Variants in GRIP1 observed in about 807,000 individuals in gnomAD.
GRIP1 encodes glutamate receptor-interacting protein 1.
GRIP1 carries 45 observed loss-of-function variants against 129.9 expected under a neutral mutation model. The ratio of observed to expected loss-of-function variants is 0.35; its 90% confidence interval spans 0.27 to 0.44. GRIP1 has a LOEUF of 0.44. GRIP1 is among the 20% of genes least tolerant of loss of function. The pLI, the probability that GRIP1 is intolerant of heterozygous loss-of-function variation, is 1.00. For missense variants in GRIP1, 1,196 were observed against 1,396.8 expected (o/e 0.86, Z 2.29); for synonymous variants, 530 against 520.8 (o/e 1.02, Z -0.24).
intron 2 of GRIP1, among the ~76,000 whole-genome samples, chr12:66,578,516 T>C (rs558139213): frequency 2.0e-5 from 3 of 151,986 alleles, no homozygotes; most frequent in African/African-American, 7.2e-5. Flanking sequence ...AAGAAACGGG[T>C]GACAGAGGGC....
At chr12:66,492,478 C>T (rs1191277795) in intron 7 of GRIP1, among the ~76,000 whole-genome samples, 2 of 151,936 alleles carry the variant, frequency 1.3e-5, no homozygotes, top group African/African-American at 2.4e-5. Context: ...GAAGCCTGAC[C>T]AGGGAATCAA....
intron 1 of GRIP1, among the ~76,000 whole-genome samples, chr12:66,684,919 A>G (rs992870329): frequency 1.3e-5 from 2 of 152,090 alleles, no homozygotes; most frequent in African/African-American, 2.4e-5. Flanking sequence ...TGAGTCCAAC[A>G]TCTGTGGGCA....
rs564822274 is a variant in GRIP1 at position 66,785,345 on chromosome 12, T to TACATAC, written c.-420+18707_-420+18708insGTATGT. Among the ~76,000 whole-genome samples, 127 of 107,510 alleles carry TACATAC rather than the reference T, an allele frequency of 1.2e-3. 1 individual carries two copies. Among genetic ancestry groups the TACATAC allele is most frequent in the Non-Finnish European group, 1.6e-3 (79 of 50,294 alleles). 70.5% of individuals were successfully genotyped at this position (107,510 alleles called of 152,430 possible). A position where few individuals can be genotyped will look rare whatever the true frequency, so the allele number is the denominator to read the frequency against. ...ATACATACATACATACATACATACA[T>TACATAC]ATATATATATATATATATTAGTTGG... is the stretch of plus-strand genomic sequence containing the variant. On this transcript the variant is annotated intron_variant, in intron 1 of 4. Transcript: ENST00000538373.
chr12:67,060,911 T>G (rs936083281), intron 1 of GRIP1, among the ~76,000 whole-genome samples: 3 of 151,950 alleles, frequency 2.0e-5, no homozygotes, highest in African/African-American at 7.3e-5. Flanking sequence ...ATCATTTTAA[T>G]TGAGAATAAT....
upstream of GRIP1, among the ~76,000 whole-genome samples, chr12:66,679,950 C>CA (rs762069933): frequency 1.3e-4 from 20 of 152,094 alleles, no homozygotes; most frequent in Non-Finnish European, 2.4e-4. Flanking sequence ...AGGCGGAGCA[C>CA]ACCTCCTCAT....
chr12:66,948,307 A>G (rs950367617), intron 1 of GRIP1, among the ~76,000 whole-genome samples: 3 of 152,196 alleles, frequency 2.0e-5, no homozygotes, highest in Non-Finnish European at 4.4e-5. Context: ...GGTTTGTTAG[A>G]TATCCATTTG....
At chr12:66,718,287 G>T (rs190599928) in intron 1 of GRIP1, among the ~76,000 whole-genome samples, 7 of 152,204 alleles carry the variant, frequency 4.6e-5, no homozygotes, top group South Asian at 4.2e-4. Flanking sequence ...TGCTCCACTT[G>T]TTGAGCCTAA....
intron 13 of GRIP1, among the ~76,000 whole-genome samples, chr12:66,433,488 A>G (rs575047026): frequency 1.3e-5 from 2 of 152,212 alleles, no homozygotes; most frequent in Non-Finnish European, 2.9e-5. Flanking sequence ...TATAGAAGTA[A>G]GCTAATATCA....
chr12:66,531,710 T>C (rs1477490636), intron 4 of GRIP1, among the ~76,000 whole-genome samples: 1 of 152,052 alleles, frequency 6.6e-6, no homozygotes, highest in Non-Finnish European at 1.5e-5. Flanking sequence ...CAGTTTTAAT[T>C]AAACAAAAAA....
At chr12:66,745,426 A>G (rs1323340610) in intron 1 of GRIP1, among the ~76,000 whole-genome samples, 1 of 152,214 alleles carries the variant, frequency 6.6e-6, no homozygotes, top group Non-Finnish European at 1.5e-5. Flanking sequence ...TCATTCATTC[A>G]ACATTTATTC....
intron 1 of GRIP1, among the ~76,000 whole-genome samples, chr12:66,983,476 T>A (rs1166645014): frequency 1.3e-5 from 2 of 152,176 alleles, no homozygotes; most frequent in African/African-American, 4.8e-5. Flanking sequence ...TAAGTAATTT[T>A]AACTCTTAGC....
intron 1 of GRIP1, among the ~76,000 whole-genome samples, chr12:66,948,651 G>A (rs1402867626): frequency 6.6e-6 from 1 of 152,136 alleles, no homozygotes; most frequent in Non-Finnish European, 1.5e-5. Context: ...CAGGAAACAT[G>A]AGGCAAGGAA....
At chr12:66,692,706 C>G (rs1426656386) in intron 1 of GRIP1, among the ~76,000 whole-genome samples, 1 of 152,146 alleles carries the variant, frequency 6.6e-6, no homozygotes, top group African/African-American at 2.4e-5. Context: ...AGCACCACAG[C>G]TGAGAGTTCT....
At chr12:66,389,595 C>T (rs955644132) in intron 19 of GRIP1, among the ~76,000 whole-genome samples, 25 of 151,638 alleles carry the variant, frequency 1.6e-4, no homozygotes, top group Admixed American at 1.3e-3. Context: ...CTGAATATCA[C>T]GGGTAAAGAA....
At chr12:66,559,746 G>A (rs181071863) in intron 2 of GRIP1, among the ~76,000 whole-genome samples, 113 of 151,984 alleles carry the variant, frequency 7.4e-4, no homozygotes, top group Non-Finnish European at 1.4e-3. Flanking sequence ...GTCATACTAC[G>A]GAAAGCAATC....
intron 1 of GRIP1, among the ~76,000 whole-genome samples, chr12:66,966,207 C>T (rs889035099): frequency 1.3e-5 from 2 of 152,004 alleles, no homozygotes; most frequent in African/African-American, 4.8e-5. Flanking sequence ...TTTTATTCAG[C>T]AGAAATTATT....
At chr12:66,660,493 GTTA>G (rs2033431108) in intron 1 of GRIP1, among the ~76,000 whole-genome samples, 1 of 152,050 alleles carries the variant, frequency 6.6e-6, no homozygotes, top group Non-Finnish European at 1.5e-5. Flanking sequence ...GTATCAATTA[GTTA>G]TTATTAATCA....
In GRIP1 at chr12:66,392,791, G is replaced by A. The variant is rs765203751; in HGVS notation, c.2155C>T (p.Arg719Ter). The change falls in exon 18 of 25, where the codon CGA becomes TGA. Residue 719 changes from arginine to a stop codon, truncating the protein, a stop_gained. Coordinates refer to ENST00000359742, the MANE Select transcript of GRIP1 (RefSeq NM_001366722.1). LOFTEE classifies it high-confidence loss of function. ...CTGCTGCTATTGATGGCTAGGATTC[G>A]GTCTCCTATGTGGATTGCGCCAGTT... ...ERTGAIHIGD[R>*]ILAINSSSLK... 6.2e-7 allele frequency: 1 copy of A among 1,613,916 alleles called. No homozygotes were observed. The highest frequency in any genetic ancestry group is 8.5e-7 in the Non-Finnish European group (1 of 1,179,974).
chr12:66,702,586 A>G (rs1334610825), intron 1 of GRIP1, among the ~76,000 whole-genome samples: 1 of 152,206 alleles, frequency 6.6e-6, no homozygotes, highest in Non-Finnish European at 1.5e-5. Context: ...CTAGGAAATG[A>G]GTTACAACAA....
Sources: allele counts gnomAD v4.1 joint callset (sites outside exome capture counted in the v4.1 genomes callset), GRCh38; gene constraint gnomAD v4.1.1; transcripts MANE v1.5; gene names NCBI Gene and HGNC (gene_info 2026-07-23, HGNC 2026-07-21).